The following STXBP6 variants were observed in gnomAD, a reference collection of about 807,000 sequenced individuals.
The protein encoded by STXBP6 is syntaxin binding protein 6, also known as syntaxin-binding protein 6.
STXBP6 carries 21 observed loss-of-function variants against 26.9 expected under a neutral mutation model. That is an observed-to-expected ratio of 0.78 (90% CI 0.55 to 1.12). The LOEUF (loss-of-function observed/expected upper bound fraction) is 1.12, where lower values mean the gene tolerates loss of function less well. STXBP6 is among the 50% of genes most tolerant of loss of function. The pLI is 0.00. For synonymous variants in STXBP6, 97 were observed against 92.6 expected, an observed-to-expected ratio of 1.05 and a Z score of -0.27; for missense variants, 232 against 257.9, an observed-to-expected ratio of 0.90 and a Z score of 0.69.
chr14:24,918,480 ACAC>A (rs1566474913), intron 2 of STXBP6, among the ~76,000 whole-genome samples: 1 of 141,894 alleles, frequency 7.0e-6, no homozygotes, highest in East Asian at 2.0e-4. Flanking sequence ...ACACACACAC[ACAC>A]ACACACACAC....
intron 2 of STXBP6, among the ~76,000 whole-genome samples, chr14:24,931,134 A>AAAAACAAAAAAACAAAAAC (rs1566486300): frequency 1.7e-5 from 2 of 118,006 alleles, no homozygotes; most frequent in Non-Finnish European, 3.4e-5. Context: ...AAAAAAAAAA[A>AAAAACAAAAAAACAAAAAC]AAAAAAAACC....
chr14:24,875,077 G>A (rs1183187077), intron 2 of STXBP6, among the ~76,000 whole-genome samples: 1 of 152,212 alleles, frequency 6.6e-6, no homozygotes, highest in Non-Finnish European at 1.5e-5. Context: ...GCAGCTAACT[G>A]AATAACAGCA....
chr14:24,839,140 C>A (rs2068713583), intron 4 of STXBP6, among the ~76,000 whole-genome samples: 1 of 152,054 alleles, frequency 6.6e-6, no homozygotes, highest in African/African-American at 2.4e-5. Context: ...CATTGTCTGT[C>A]CCCGCCTGCC....
At chr14:24,824,512 T>A (rs1312745742) in intron 4 of STXBP6, among the ~76,000 whole-genome samples, 1 of 152,206 alleles carries the variant, frequency 6.6e-6, no homozygotes, top group African/African-American at 2.4e-5. Flanking sequence ...ACAAAGTCCA[T>A]TAATTATCTG....
chr14:25,043,683 T>A (rs2075678093), intron 1 of STXBP6, among the ~76,000 whole-genome samples: 1 of 152,220 alleles, frequency 6.6e-6, no homozygotes, highest in South Asian at 2.1e-4. Context: ...CACTTCATAA[T>A]GGAATCATGT....
At chr14:24,942,476 A>G (rs1010742959) in intron 2 of STXBP6, among the ~76,000 whole-genome samples, 2 of 152,138 alleles carry the variant, frequency 1.3e-5, no homozygotes, top group Non-Finnish European at 2.9e-5. Flanking sequence ...AGTTCTCAGC[A>G]CCTTATGGAA....
chr14:24,813,761 C>T (rs725230), intron 5 of STXBP6, among the ~76,000 whole-genome samples: 28,264 of 152,180 alleles, frequency 0.19, 3,513 homozygotes, highest in Admixed American at 0.35. Flanking sequence ...TGGTGCTCTG[C>T]ATCATTTTGG....
chr14:24,828,137 A>G (rs187147875), intron 4 of STXBP6, among the ~76,000 whole-genome samples: 145 of 152,232 alleles, frequency 9.5e-4, no homozygotes, highest in Non-Finnish European at 6.3e-4. Flanking sequence ...TTTGGGAAGC[A>G]GCAGATTCCA....
chr14:24,884,220 A>C (rs895766908), intron 2 of STXBP6, among the ~76,000 whole-genome samples: 1 of 152,230 alleles, frequency 6.6e-6, no homozygotes, highest in African/African-American at 2.4e-5. Flanking sequence ...CTAATCCTTA[A>C]AAGGTATACT....
chr14:24,913,885 TG>T (rs1425580294), intron 2 of STXBP6, among the ~76,000 whole-genome samples: 1 of 152,148 alleles, frequency 6.6e-6, no homozygotes, highest in Non-Finnish European at 1.5e-5. Flanking sequence ...ATTGTGGATG[TG>T]GGGAAGGATT....
chr14:25,005,786 T>G (rs1353655397), intron 1 of STXBP6, among the ~76,000 whole-genome samples: 1 of 150,432 alleles, frequency 6.6e-6, no homozygotes, highest in Non-Finnish European at 1.5e-5. Flanking sequence ...TTCTACAAAT[T>G]TAAAATAGTA....
At chr14:24,892,930 T>A (rs973476892) in intron 2 of STXBP6, among the ~76,000 whole-genome samples, 1 of 152,216 alleles carries the variant, frequency 6.6e-6, no homozygotes, top group Non-Finnish European at 1.5e-5. Context: ...GGGAGCAGAA[T>A]GAGCCTCATT....
chr14:24,836,400 C>T (rs1009488791), intron 4 of STXBP6, among the ~76,000 whole-genome samples: 1 of 151,936 alleles, frequency 6.6e-6, no homozygotes, highest in African/African-American at 2.4e-5. Flanking sequence ...AGCTCGAGAC[C>T]AGTCTGGCCA....
At chr14:24,902,923 A>G (rs766318874) in intron 2 of STXBP6, among the ~76,000 whole-genome samples, 30 of 152,188 alleles carry the variant, frequency 2.0e-4, no homozygotes, top group Non-Finnish European at 4.1e-4. Context: ...CAGGTGATCC[A>G]TAGAATTTTA....
intron 2 of STXBP6, among the ~76,000 whole-genome samples, chr14:24,887,936 A>G (rs1203877402): frequency 6.6e-6 from 1 of 152,226 alleles, no homozygotes; most frequent in Non-Finnish European, 1.5e-5. Flanking sequence ...TATTTTTGCT[A>G]TTCTCCACTC....
intron 1 of STXBP6, among the ~76,000 whole-genome samples, chr14:25,030,721 C>G (rs1404353638): frequency 6.6e-6 from 1 of 152,136 alleles, no homozygotes; most frequent in Non-Finnish European, 1.5e-5. Flanking sequence ...TGTCCCTCCT[C>G]GGCCTTTAAA....
rs544186995 is a variant in STXBP6, at chr14:25,045,707, A to G, written c.-33+4171T>C. Among the ~76,000 whole-genome samples the G allele has an allele frequency of 5.3e-5, 8 of 151,256 alleles. No individual in the cohort carries two copies. In the East Asian group the frequency reaches 1.6e-3, roughly 30 times the overall value. Reference sequence around the variant, plus strand: ...CAACCTTCGTCTCCCAGATTCAAGCAATTCTCTTGCCTCAGCCTCCCGAGT... The same window carrying G: ...CAACCTTCGTCTCCCAGATTCAAGCGATTCTCTTGCCTCAGCCTCCCGAGT... On this transcript the variant is annotated intron_variant, in intron 1 of 5. Transcript: ENST00000323944.
In STXBP6 at chr14:24,857,086, G is replaced by A; in HGVS notation, c.226C>T (p.Arg76Trp). Reference protein sequence around the residue: ...KQFEGSTSFVRRSQWMLEQLR... With the variant: ...KQFEGSTSFVWRSQWMLEQLR... ...TGCTCGAGCATCCACTGTGATCTCCGAACAAATGATGTGGAGCCTTCAAAC... is the reference window on the plus strand; with the variant it reads ...TGCTCGAGCATCCACTGTGATCTCCAAACAAATGATGTGGAGCCTTCAAAC... The change falls in exon 3 of 6, where the codon CGG becomes TGG. Residue 76 changes from arginine (R) to tryptophan (W), a missense_variant. By Grantham distance (101) the Arg-to-Trp change is moderately radical (BLOSUM62 -3). Transcript: ENST00000323944. The A allele has an allele frequency of 1.9e-6, 3 of 1,612,996 alleles. No homozygotes were observed. Among genetic ancestry groups the A allele is most frequent in the Non-Finnish European group, 2.5e-6 (3 of 1,179,248 alleles).
intron 2 of STXBP6, among the ~76,000 whole-genome samples, chr14:24,912,348 T>A (rs1566469716): frequency 1.3e-5 from 2 of 151,584 alleles, no homozygotes; most frequent in Non-Finnish European, 2.9e-5. Context: ...ATAAAAGGTA[T>A]CTTGAATGGA....
Sources: allele counts gnomAD v4.1 joint callset (sites outside exome capture counted in the v4.1 genomes callset), GRCh38; gene constraint gnomAD v4.1.1; transcripts MANE v1.5; gene names NCBI Gene and HGNC (gene_info 2026-07-23, HGNC 2026-07-21).